Variants in PTPRK observed in about 807,000 individuals in gnomAD.
PTPRK encodes the protein protein tyrosine phosphatase receptor type K.
In PTPRK, 75 loss-of-function variants were observed where a neutral mutation model predicts 178.0. That is an observed-to-expected ratio of 0.42 (90% CI 0.35 to 0.51). The LOEUF (loss-of-function observed/expected upper bound fraction) is 0.51. PTPRK is among the 20% of genes least tolerant of loss of function. The pLI is 0.02. For synonymous variants in PTPRK, 637 were observed against 620.6 expected (o/e 1.03, Z -0.39); for missense variants, 1,441 against 1,797.8 (o/e 0.80, Z 3.59).
intron 22 of PTPRK, among the ~76,000 whole-genome samples, chr6:127,985,446 A>C (rs1196496374): frequency 1.3e-5 from 2 of 152,242 alleles, no homozygotes; most frequent in Non-Finnish European, 2.9e-5. Flanking sequence ...TGATAAAAAC[A>C]AAAAACACAG....
At chr6:128,053,600 C>A (rs1234233018) in intron 13 of PTPRK, among the ~76,000 whole-genome samples, 4 of 152,136 alleles carry the variant, frequency 2.6e-5, no homozygotes, top group Non-Finnish European at 5.9e-5. Context: ...GGCTCCAAAA[C>A]CCCAACAGTT....
At chr6:127,992,303 C>A (rs1299594223) in intron 19 of PTPRK, among the ~76,000 whole-genome samples, 1 of 151,678 alleles carries the variant, frequency 6.6e-6, no homozygotes, top group Non-Finnish European at 1.5e-5. Flanking sequence ...GTCTTGGGTA[C>A]TACTAACAAA....
chr6:128,298,934 C>T (rs1825017221), intron 3 of PTPRK, among the ~76,000 whole-genome samples: 1 of 152,162 alleles, frequency 6.6e-6, no homozygotes, highest in South Asian at 2.1e-4. Flanking sequence ...CAAATTGTCC[C>T]TGTTTGCAGA....
intron 7 of PTPRK, among the ~76,000 whole-genome samples, chr6:128,098,755 C>T (rs1259806791): frequency 6.6e-6 from 1 of 152,150 alleles, no homozygotes; most frequent in African/African-American, 2.4e-5. Flanking sequence ...AATTGCATTT[C>T]TATACTAATC....
At chr6:128,441,640 T>C (rs1212880522) in intron 1 of PTPRK, among the ~76,000 whole-genome samples, 1 of 152,144 alleles carries the variant, frequency 6.6e-6, no homozygotes, top group Non-Finnish European at 1.5e-5. Flanking sequence ...GGGAGTCAGA[T>C]CTATCTTCCA....
At chr6:128,203,619 A>G (rs895102030) in intron 6 of PTPRK, among the ~76,000 whole-genome samples, 6 of 152,206 alleles carry the variant, frequency 3.9e-5, no homozygotes, top group African/African-American at 1.4e-4. Context: ...TAGCAGTCCT[A>G]TACCCCAACA....
chr6:128,369,589 T>C (rs1835988044), intron 2 of PTPRK, among the ~76,000 whole-genome samples: 2 of 152,170 alleles, frequency 1.3e-5, no homozygotes, highest in African/African-American at 4.8e-5. Context: ...TTATATTTAG[T>C]AGGTTAAATG....
chr6:128,010,549 AG>A (rs1214362512), intron 13 of PTPRK, among the ~76,000 whole-genome samples: 2 of 151,232 alleles, frequency 1.3e-5, no homozygotes, highest in African/African-American at 2.4e-5. Flanking sequence ...TTTTCCCAAC[AG>A]CCACAGATTC....
At chr6:128,227,940 G>A (rs1386195805) in intron 5 of PTPRK, among the ~76,000 whole-genome samples, 2 of 151,962 alleles carry the variant, frequency 1.3e-5, no homozygotes, top group Non-Finnish European at 2.9e-5. Context: ...GACATAGGGA[G>A]GGGAACATCA....
At chr6:128,496,396 ATATAT>A (rs1390290699) in intron 1 of PTPRK, among the ~76,000 whole-genome samples, 1 of 152,230 alleles carries the variant, frequency 6.6e-6, no homozygotes, top group African/African-American at 2.4e-5. Context: ...TCTGATTATT[ATATAT>A]TATATCTAAG....
intron 1 of PTPRK, among the ~76,000 whole-genome samples, chr6:128,411,877 C>T (rs1020893946): frequency 1.3e-5 from 2 of 152,086 alleles, no homozygotes; most frequent in African/African-American, 4.8e-5. Flanking sequence ...ATTATACTTT[C>T]TTATAATTTA....
chr6:128,032,469 T>C (rs1425281611), intron 13 of PTPRK, among the ~76,000 whole-genome samples: 1 of 152,212 alleles, frequency 6.6e-6, no homozygotes. Context: ...GCCACACTTC[T>C]AGGAGAGAAA....
Position 128,468,559 on chromosome 6 carries a change from T to C in PTPRK, c.100+51700A>G, listed in dbSNP as rs185619174. On this transcript the variant is annotated intron_variant, in intron 1 of 29. Coordinates refer to ENST00000368226, the MANE Select transcript of PTPRK (RefSeq NM_002844.4). The stretch of plus-strand genomic sequence containing the variant: ...TATTACTGTTAAATATTATCTTTGA[T>C]ATAAATTGTCATGAGTAGAAAACTT... 2.3e-3 allele frequency among the ~76,000 whole-genome samples: 346 copies of C among 152,288 alleles called. 2 individuals carry two copies. The highest frequency in any genetic ancestry group is 1.7e-3 in the Non-Finnish European group (116 of 68,016).
intron 7 of PTPRK, among the ~76,000 whole-genome samples, chr6:128,175,487 A>C (rs2114663186): frequency 6.7e-6 from 1 of 150,058 alleles, no homozygotes; most frequent in Non-Finnish European, 1.5e-5. Context: ...ATACATTCAG[A>C]TATATATATA....
At chr6:128,394,404 T>G (rs1162406002) in intron 2 of PTPRK, among the ~76,000 whole-genome samples, 1 of 152,198 alleles carries the variant, frequency 6.6e-6, no homozygotes, top group African/African-American at 2.4e-5. Context: ...GATTTGCTGG[T>G]CACAAGGTTG....
At chr6:128,394,998 T>C (rs963844093) in intron 2 of PTPRK, among the ~76,000 whole-genome samples, 4 of 152,112 alleles carry the variant, frequency 2.6e-5, no homozygotes, top group Admixed American at 2.6e-4. Context: ...GGGTTTTTTG[T>C]TTGTTTTGTT....
chr6:128,451,066 T>G (rs991505444), intron 1 of PTPRK, among the ~76,000 whole-genome samples: 1 of 152,148 alleles, frequency 6.6e-6, no homozygotes, highest in African/African-American at 2.4e-5. Flanking sequence ...CTGTTGCCAA[T>G]GACAAAATTT....
chr6:128,120,520 C>T (rs1043353148), intron 7 of PTPRK, among the ~76,000 whole-genome samples: 4 of 151,994 alleles, frequency 2.6e-5, no homozygotes, highest in African/African-American at 9.6e-5. Context: ...TAAGGAATTA[C>T]CAAACTCATA....
At chr6:128,241,109 C>T in intron 4 of PTPRK, 3 of 405,578 alleles carry the variant, frequency 7.4e-6, no homozygotes, top group East Asian at 6.5e-5. Flanking sequence ...CTTAGTAAGG[C>T]AGCTTGAACT....
Sources: allele counts gnomAD v4.1 joint callset (sites outside exome capture counted in the v4.1 genomes callset), GRCh38; gene constraint gnomAD v4.1.1; transcripts MANE v1.5; gene names NCBI Gene and HGNC (gene_info 2026-07-23, HGNC 2026-07-21).